Variants in SLC4A5 observed in about 807,000 individuals in gnomAD.
SLC4A5 encodes the protein electrogenic sodium bicarbonate cotransporter 4.
SLC4A5 carries 96 observed loss-of-function variants against 120.4 expected under a neutral mutation model. The ratio of observed to expected loss-of-function variants is 0.80; its 90% CI spans 0.68 to 0.94. The LOEUF (loss-of-function observed/expected upper bound fraction) is 0.94. SLC4A5 is among the 40% of genes least tolerant of loss of function. The pLI is 0.00. For missense variants in SLC4A5, 1,259 were observed against 1,459.5 expected (o/e 0.86, Z 2.24); for synonymous variants, 550 against 571.1 (o/e 0.96, Z 0.53).
chr2:74,255,353 C>A lies in SLC4A5; in HGVS notation c.1025+422G>T, dbSNP rs1670929160. 6.6e-6 allele frequency among the ~76,000 whole-genome samples: 1 copy of A among 152,138 alleles called. No homozygotes were observed. The highest frequency in any genetic ancestry group is 6.5e-5 in the Admixed American group (1 of 15,278). On this transcript the variant is annotated intron_variant, in intron 13 of 30. Transcript: ENST00000394019. The surrounding 1 kb of genome is among the most constrained non-coding windows in gnomAD (Gnocchi z 4.0). ...TGTTGCCCAGGCTGGGGTGCAATAGCATGATCTCGGCTCACTGCAACCTCT... is the reference window on the plus strand; with the variant it reads ...TGTTGCCCAGGCTGGGGTGCAATAGAATGATCTCGGCTCACTGCAACCTCT...
At chr2:74,276,421 T>C (rs896752035) in intron 8 of SLC4A5, among the ~76,000 whole-genome samples, 6 of 152,212 alleles carry the variant, frequency 3.9e-5, no homozygotes, top group African/African-American at 1.4e-4. Flanking sequence ...AAAGCTCTCC[T>C]AGACTCAGAA....
intron 8 of SLC4A5, among the ~76,000 whole-genome samples, chr2:74,281,713 T>TC (rs1213019105): frequency 4.6e-5 from 7 of 151,992 alleles, no homozygotes; most frequent in Non-Finnish European, 1.0e-4. Flanking sequence ...GCCTGAAACA[T>TC]CCCCCAAACT....
intron 23 of SLC4A5, 30 bp downstream of exon 23, chr2:74,233,372 T>G (rs1330299021): frequency 6.2e-7 from 1 of 1,612,028 alleles, no homozygotes; most frequent in Admixed American, 1.7e-5. Flanking sequence ...AAGAAAGAGG[T>G]TATGCCTCTG....
chr2:74,262,555 C>T (rs1412862411), intron 10 of SLC4A5, among the ~76,000 whole-genome samples: 1 of 151,500 alleles, frequency 6.6e-6, no homozygotes, highest in East Asian at 1.9e-4. Context: ...AAAAAATAGC[C>T]AGGCATGGTG....
intron 4 of SLC4A5, among the ~76,000 whole-genome samples, chr2:74,329,961 T>C (rs1028576350): frequency 1.3e-5 from 2 of 150,752 alleles, no homozygotes; most frequent in Non-Finnish European, 3.0e-5. Flanking sequence ...GGTGAGGTAG[T>C]GTATGGTGGT....
rs572940841 is a variant in SLC4A5 at position 74,262,867 on chromosome 2, C to T, written c.716-635G>A. Among the ~76,000 whole-genome samples the T allele has an allele frequency of 9.9e-5, 15 of 152,258 alleles. No homozygotes were observed. In the East Asian group the frequency reaches 2.1e-3, roughly 22 times the overall value. On this transcript the variant is annotated intron_variant, in intron 10 of 30. Transcript: ENST00000394019. ...AGGCAAGTTACTTAAACTCTCTGTG[C>T]CTCAGGCGTCTCATCTGTAAAATGG...
chr2:74,227,266 G>C (rs986819830), intron 26 of SLC4A5, 136 bp from the exon 27 acceptor site: 70 of 1,080,330 alleles, frequency 6.5e-5, no homozygotes, highest in Admixed American at 1.9e-4. Flanking sequence ...ATGCACGGGA[G>C]GGGGGCTGGA....
chr2:74,316,013 C>T (rs1310770131), intron 5 of SLC4A5, among the ~76,000 whole-genome samples: 1 of 151,966 alleles, frequency 6.6e-6, no homozygotes, highest in Non-Finnish European at 1.5e-5. Context: ...ATCTTATCAA[C>T]AATCCTATGA....
At chr2:74,253,213 A>G in intron 14 of SLC4A5, 85 bp from the exon 15 acceptor site, 8 of 1,494,528 alleles carry the variant, frequency 5.4e-6, no homozygotes, top group Non-Finnish European at 7.3e-6. Context: ...TTTTTAAAGG[A>G]ATCCCTTTGA....
At chr2:74,286,170 T>A (rs565200893) in intron 7 of SLC4A5, among the ~76,000 whole-genome samples, 12 of 152,206 alleles carry the variant, frequency 7.9e-5, no homozygotes, top group Non-Finnish European at 1.6e-4. Context: ...TGGGAAATGG[T>A]CGAAGCCAGG....
intron 6 of SLC4A5, among the ~76,000 whole-genome samples, chr2:74,314,011 C>T (rs1205627549): frequency 1.3e-5 from 2 of 152,076 alleles, no homozygotes; most frequent in African/African-American, 4.8e-5. Flanking sequence ...ACCAAACTGG[C>T]TTCTGAAAAG....
rs535790853 is a variant in SLC4A5 at position 74,264,562 on chromosome 2, C to G, written c.563-263G>C. On this transcript the variant is annotated intron_variant, in intron 9 of 30. Transcript: ENST00000394019. The stretch of plus-strand genomic sequence containing the variant: ...ATGTTCTTATGAAAAGTGAAATAAA[C>G]AGTACATATGAAACTGCCCCAGGAG... Among the ~76,000 whole-genome samples, 40 of 151,086 alleles carry G rather than the reference C, an allele frequency of 2.6e-4. No homozygotes were observed. The South Asian group carries it at 8.1e-3, about 31-fold the overall frequency.
intron 7 of SLC4A5, among the ~76,000 whole-genome samples, chr2:74,286,420 C>G (rs900346345): frequency 6.6e-6 from 1 of 152,366 alleles, no homozygotes; most frequent in African/African-American, 2.4e-5. Flanking sequence ...TGCTTTCCAG[C>G]TGCCCATTGG....
exon 10 of SLC4A5, chr2:74,264,175 A>G: frequency 1.2e-6 from 2 of 1,614,172 alleles, no homozygotes; most frequent in Non-Finnish European, 1.7e-6. Context: ...TCCCAATGTC[A>G]GCTAAGGAGC....
chr2:74,300,678 T>C (rs1448003636), intron 7 of SLC4A5, among the ~76,000 whole-genome samples: 2 of 152,144 alleles, frequency 1.3e-5, no homozygotes, highest in Non-Finnish European at 2.9e-5. Flanking sequence ...TGTGCAGACC[T>C]CCATCAACGC....
At chr2:74,226,662 T>G (rs757579710) in intron 27 of SLC4A5, among the ~76,000 whole-genome samples, 18 of 152,140 alleles carry the variant, frequency 1.2e-4, no homozygotes, top group Admixed American at 3.3e-4. Flanking sequence ...GGTCTCCTGG[T>G]TGAACTGATT....
chr2:74,274,744 T>C (rs1160422273), intron 8 of SLC4A5, among the ~76,000 whole-genome samples: 1 of 152,222 alleles, frequency 6.6e-6, no homozygotes, highest in Non-Finnish European at 1.5e-5. Flanking sequence ...GCCAATTTAT[T>C]TAATTTACAG....
At chr2:74,264,879 C>A (rs1421277114) in intron 9 of SLC4A5, among the ~76,000 whole-genome samples, 1 of 152,190 alleles carries the variant, frequency 6.6e-6, no homozygotes, top group Non-Finnish European at 1.5e-5. Flanking sequence ...TTCTGGATGG[C>A]ATTTTGGAGG....
intron 18 of SLC4A5, among the ~76,000 whole-genome samples, chr2:74,247,671 C>T (rs537400808): frequency 1.5e-3 from 221 of 152,180 alleles, no homozygotes; most frequent in Non-Finnish European, 2.5e-3. Flanking sequence ...CCCGCCGCCA[C>T]GCCTGGCTGA....
Sources: allele counts gnomAD v4.1 joint callset (sites outside exome capture counted in the v4.1 genomes callset), GRCh38; gene constraint gnomAD v4.1.1; non-coding constraint Gnocchi (gnomAD v3.1); transcripts MANE v1.5; gene names NCBI Gene and HGNC (gene_info 2026-07-23, HGNC 2026-07-21).